The following DCC variants were observed in gnomAD, a reference collection of about 807,000 sequenced individuals.
The protein encoded by DCC is netrin receptor DCC.
A neutral mutation model predicts 172.5 loss-of-function variants in DCC; 58 were observed. The observed-to-expected ratio is 0.34, with a 90% CI of 0.27 to 0.42. The LOEUF (loss-of-function observed/expected upper bound fraction) is 0.42, where lower values mean the gene tolerates loss of function less well. Among genes scored for constraint, DCC ranks in the 10% least tolerant of loss-of-function variants. The pLI is 1.00. For missense variants in DCC, 1,740 were observed against 1,791.0 expected, an observed-to-expected ratio of 0.97 and a Z score of 0.51; for synonymous variants, 709 against 644.5, an observed-to-expected ratio of 1.10 and a Z score of -1.52.
chr18:52,467,833 G>T (rs775502793), intron 1 of DCC, among the ~76,000 whole-genome samples: 19 of 152,076 alleles, frequency 1.2e-4, no homozygotes, highest in Non-Finnish European at 2.4e-4. Flanking sequence ...TTTGTTGGCC[G>T]CATAAATGTC....
intron 1 of DCC, among the ~76,000 whole-genome samples, chr18:52,475,200 A>G (rs1269347719): frequency 6.6e-6 from 1 of 152,124 alleles, no homozygotes; most frequent in Non-Finnish European, 1.5e-5. Context: ...AAGCAACTTT[A>G]TGGGGATTTT....
intron 15 of DCC, among the ~76,000 whole-genome samples, chr18:53,340,284 C>T (rs754838268): frequency 1.7e-4 from 26 of 152,244 alleles, no homozygotes; most frequent in Non-Finnish European, 2.9e-4. Context: ...AAAGTCAACA[C>T]ATTTTTCATC....
intron 2 of DCC, among the ~76,000 whole-genome samples, chr18:52,882,438 C>T (rs939347750): frequency 6.6e-6 from 1 of 151,870 alleles, no homozygotes; most frequent in Non-Finnish European, 1.5e-5. Context: ...GAATTTCCCT[C>T]TTGGTGGTGC....
At chr18:52,502,160 T>C (rs986102355) in intron 1 of DCC, among the ~76,000 whole-genome samples, 1 of 152,206 alleles carries the variant, frequency 6.6e-6, no homozygotes, top group Non-Finnish European at 1.5e-5. Context: ...GTTTGTATTA[T>C]AGATATATAT....
At chr18:53,023,337 A>T (rs570076140) in intron 5 of DCC, among the ~76,000 whole-genome samples, 6 of 117,774 alleles carry the variant, frequency 5.1e-5, no homozygotes, top group South Asian at 6.5e-4. Flanking sequence ...AGAGTATAAT[A>T]AAAAAAAAAC....
chr18:52,405,861 G>T (rs1283290983), intron 1 of DCC, among the ~76,000 whole-genome samples: 2 of 151,308 alleles, frequency 1.3e-5, no homozygotes, highest in African/African-American at 2.4e-5. Context: ...CCTGCATCGC[G>T]AAGTCAATCC....
chr18:52,945,382 A>G (rs1022968506), intron 5 of DCC, among the ~76,000 whole-genome samples: 2 of 152,216 alleles, frequency 1.3e-5, no homozygotes, highest in African/African-American at 2.4e-5. Context: ...TTTCTGAAAG[A>G]ATATTATAAA....
At chr18:53,112,933 A>ATACTGACT (rs1475152001) in intron 7 of DCC, among the ~76,000 whole-genome samples, 5 of 151,570 alleles carry the variant, frequency 3.3e-5, no homozygotes, top group Non-Finnish European at 5.9e-5. Flanking sequence ...TGGAATTAAA[A>ATACTGACT]TACTGACTTA....
At chr18:52,551,105 G>C (rs1443114760) in intron 1 of DCC, among the ~76,000 whole-genome samples, 1 of 151,802 alleles carries the variant, frequency 6.6e-6, no homozygotes, top group Non-Finnish European at 1.5e-5. Flanking sequence ...TCAAAGAAAA[G>C]AGTATTTTAA....
intron 1 of DCC, among the ~76,000 whole-genome samples, chr18:52,378,355 T>C (rs985623514): frequency 2.7e-5 from 4 of 150,734 alleles, no homozygotes; most frequent in Non-Finnish European, 5.9e-5. Context: ...TTTGGGAAAA[T>C]GACATAATGT....
At chr18:53,393,105 A>G (rs1267402639) in intron 17 of DCC, among the ~76,000 whole-genome samples, 1 of 152,072 alleles carries the variant, frequency 6.6e-6, no homozygotes, top group Non-Finnish European at 1.5e-5. Context: ...ATCCTCCTGA[A>G]TCCAGCCTCA....
chr18:52,923,714 A>G lies in DCC; in HGVS notation c.705A>G (p.Gly235=). 1.2e-6 allele frequency: 2 copies of G among 1,605,846 alleles called. No individual in the cohort carries two copies. Among genetic ancestry groups the G allele is most frequent in the Non-Finnish European group, 1.7e-6 (2 of 1,172,656 alleles). The change falls in exon 4 of 29, where the codon GGA becomes GGG. Residue 235 remains glycine (G), a synonymous_variant. Transcript: ENST00000442544. ...TGTGTTTTCCCCTCATAGATCCAGG[A>G]CTGCATAGACAGCTGTATTTTCTGC... is the stretch of plus-strand genomic sequence containing the variant. ...EAEVRILSDP[G]LHRQLYFLQR... is the part of the protein sequence containing the mutation.
At chr18:52,342,176 C>A (rs1568123767) in intron 1 of DCC, among the ~76,000 whole-genome samples, 1 of 152,216 alleles carries the variant, frequency 6.6e-6, no homozygotes, top group Non-Finnish European at 1.5e-5. Flanking sequence ...CAAAGCCTCG[C>A]TCGGCCGCAC....
At chr18:52,994,101 C>A (rs2041440979) in intron 5 of DCC, among the ~76,000 whole-genome samples, 1 of 152,016 alleles carries the variant, frequency 6.6e-6, no homozygotes, top group African/African-American at 2.4e-5. Flanking sequence ...CAGGAATAGT[C>A]CTATTGCTTA....
chr18:52,526,965 TAAA>T (rs2032002043), intron 1 of DCC, among the ~76,000 whole-genome samples: 1 of 152,186 alleles, frequency 6.6e-6, no homozygotes, highest in African/African-American at 2.4e-5. Flanking sequence ...AGGTGGTGTT[TAAA>T]TATCCAAAGT....
At chr18:52,385,190 C>T (rs1398329213) in intron 1 of DCC, among the ~76,000 whole-genome samples, 5 of 152,110 alleles carry the variant, frequency 3.3e-5, no homozygotes, top group Non-Finnish European at 4.4e-5. Flanking sequence ...TGTCTGGGTG[C>T]TCTATTTTCT....
chr18:52,499,059 G>T (rs898824468), intron 1 of DCC, among the ~76,000 whole-genome samples: 2 of 152,078 alleles, frequency 1.3e-5, no homozygotes, highest in Admixed American at 1.3e-4. Flanking sequence ...ATGTCCCATT[G>T]TCACTGTTAA....
At chr18:52,808,545 TA>T (rs1195456428) in intron 2 of DCC, among the ~76,000 whole-genome samples, 4 of 150,996 alleles carry the variant, frequency 2.6e-5, no homozygotes, top group Non-Finnish European at 5.9e-5. Flanking sequence ...AAAGAAAAAA[TA>T]AAAATTGGCA....
intron 11 of DCC, among the ~76,000 whole-genome samples, chr18:53,208,506 A>G (rs1598907859): frequency 1.5e-5 from 1 of 66,912 alleles, no homozygotes; most frequent in African/African-American, 4.4e-5. Flanking sequence ...GGTGTAAATG[A>G]TAGACAATCC....
Sources: gnomAD v4.1 joint callset for allele counts (sites outside exome capture counted in the v4.1 genomes callset) on GRCh38, gnomAD v4.1.1 for gene constraint, MANE v1.5 for transcripts, NCBI Gene and HGNC (gene_info 2026-07-23, HGNC 2026-07-21) for gene names.